The following NRG3 variants were observed in gnomAD, a reference collection of about 807,000 sequenced individuals.
The protein encoded by NRG3 is pro-neuregulin-3, membrane-bound isoform.
Under a neutral mutation model 66.9 loss-of-function variants are expected in NRG3, and 31 were observed. The observed-to-expected ratio is 0.46, with a 90% CI of 0.35 to 0.63. The LOEUF is 0.63. Among genes scored for constraint, NRG3 ranks in the 20% least tolerant of loss-of-function variants. The pLI is 0.00. For synonymous variants in NRG3, 393 were observed against 359.4 expected (o/e 1.09, Z -1.06); for missense variants, 910 against 878.9 (o/e 1.04, Z -0.45).
chr10:82,670,731 A>AG (rs2134034663), intron 2 of NRG3, among the ~76,000 whole-genome samples: 1 of 152,264 alleles, frequency 6.6e-6, no homozygotes, highest in East Asian at 1.9e-4. Flanking sequence ...AAGAAAAAAA[A>AG]CAAAACAAAA....
intron 2 of NRG3, among the ~76,000 whole-genome samples, chr10:82,374,549 A>C (rs999231795): frequency 1.3e-4 from 20 of 152,246 alleles, no homozygotes; most frequent in Admixed American, 6.5e-5. Flanking sequence ...GAAACAGTGA[A>C]TAAGACTAGT....
At chr10:82,911,145 A>G (rs1006495089) in intron 4 of NRG3, among the ~76,000 whole-genome samples, 4 of 152,218 alleles carry the variant, frequency 2.6e-5, no homozygotes, top group Non-Finnish European at 1.5e-5. Flanking sequence ...GAGAGAAATC[A>G]AAGAATATTA....
chr10:81,999,762 G>A (rs991662704), intron 1 of NRG3, among the ~76,000 whole-genome samples: 2 of 152,124 alleles, frequency 1.3e-5, no homozygotes, highest in Non-Finnish European at 2.9e-5. Flanking sequence ...TTTAACAAAT[G>A]AGACTTCATT....
At chr10:82,351,181 A>C (rs1398326081) in intron 1 of NRG3, among the ~76,000 whole-genome samples, 1 of 152,090 alleles carries the variant, frequency 6.6e-6, no homozygotes, top group Non-Finnish European at 1.5e-5. Flanking sequence ...GGCGTGAGCC[A>C]CTCGCACCCG....
intron 3 of NRG3, among the ~76,000 whole-genome samples, chr10:82,743,994 T>C (rs975442647): frequency 2.0e-5 from 3 of 152,206 alleles, no homozygotes; most frequent in East Asian, 1.9e-4. Flanking sequence ...ATCTTTGTGG[T>C]GTGGCCTTTG....
intron 1 of NRG3, among the ~76,000 whole-genome samples, chr10:81,908,676 A>C (rs892629400): frequency 6.6e-6 from 1 of 152,176 alleles, no homozygotes; most frequent in Admixed American, 6.5e-5. Context: ...AAAAGTGGAC[A>C]CCTCAGTCTC....
At chr10:82,941,255 G>T (rs1394116560) in intron 4 of NRG3, among the ~76,000 whole-genome samples, 1 of 152,098 alleles carries the variant, frequency 6.6e-6, no homozygotes, top group East Asian at 1.9e-4. Flanking sequence ...CACCCTGCCA[G>T]TGTATGTTTG....
chr10:82,713,866 T>G (rs2056819769), intron 2 of NRG3, among the ~76,000 whole-genome samples: 1 of 152,202 alleles, frequency 6.6e-6, no homozygotes, highest in African/African-American at 2.4e-5. Context: ...TTATTCTACC[T>G]CTTGATTCTT....
intron 2 of NRG3, among the ~76,000 whole-genome samples, chr10:82,403,156 C>T (rs1278727112): frequency 2.0e-5 from 3 of 152,104 alleles, no homozygotes; most frequent in Admixed American, 6.6e-5. Flanking sequence ...TCCAGAGGAG[C>T]TTCCATGGGA....
chr10:82,778,558 G>A (rs1299407867), intron 3 of NRG3, among the ~76,000 whole-genome samples: 10 of 152,214 alleles, frequency 6.6e-5, no homozygotes, highest in African/African-American at 1.9e-4. Flanking sequence ...CCGCCCCTAC[G>A]ATCCAATTAC....
chr10:81,939,290 A>G (rs1848189857), intron 1 of NRG3, among the ~76,000 whole-genome samples: 1 of 152,006 alleles, frequency 6.6e-6, no homozygotes, highest in Non-Finnish European at 1.5e-5. Context: ...TCATAAAGTA[A>G]GTTTGAATGT....
intron 2 of NRG3, among the ~76,000 whole-genome samples, chr10:82,728,101 C>T (rs1478517047): frequency 1.3e-5 from 2 of 152,120 alleles, no homozygotes; most frequent in African/African-American, 2.4e-5. Flanking sequence ...TTTACAGGCT[C>T]ATAGGCAGAA....
chr10:82,743,046 C>T (rs1462624177), intron 3 of NRG3, among the ~76,000 whole-genome samples: 1 of 152,012 alleles, frequency 6.6e-6, no homozygotes, highest in Non-Finnish European at 1.5e-5. Flanking sequence ...AGAAGATGCC[C>T]ATTGGAAGCA....
intron 1 of NRG3, among the ~76,000 whole-genome samples, chr10:82,139,295 T>C (rs1436912053): frequency 6.6e-6 from 1 of 152,214 alleles, no homozygotes; most frequent in East Asian, 1.9e-4. Flanking sequence ...TATTAATTTC[T>C]ATTTAAGTTG....
chr10:82,383,240 C>A (rs893945051), intron 2 of NRG3, among the ~76,000 whole-genome samples: 1 of 151,804 alleles, frequency 6.6e-6, no homozygotes, highest in Non-Finnish European at 1.5e-5. Flanking sequence ...TTCAGGACTG[C>A]ATTGTACATT....
At chr10:82,186,338 C>T (rs1458078504) in intron 1 of NRG3, among the ~76,000 whole-genome samples, 1 of 152,118 alleles carries the variant, frequency 6.6e-6, no homozygotes, top group Admixed American at 6.5e-5. Context: ...TGAACTTTTC[C>T]TTTGCTCATA....
intron 2 of NRG3, among the ~76,000 whole-genome samples, chr10:82,550,853 C>G (rs1164644456): frequency 1.3e-4 from 20 of 152,054 alleles, no homozygotes; most frequent in Non-Finnish European, 7.4e-5. Context: ...TACCTACGCC[C>G]AACTTCTTCA....
chr10:82,808,106 G>C (rs768704244), intron 3 of NRG3, among the ~76,000 whole-genome samples: 1 of 151,476 alleles, frequency 6.6e-6, no homozygotes, highest in Non-Finnish European at 1.5e-5. Flanking sequence ...TGGTTAATTC[G>C]TAGGTTCTTC....
chr10:82,239,589 A>G lies in NRG3; in HGVS notation c.824-119150A>G, dbSNP rs552498170. On this transcript the variant is annotated intron_variant, in intron 1 of 8. Coordinates refer to ENST00000372141, the MANE Select transcript of NRG3 (RefSeq NM_001010848.4). ...TAATTAAGCATCTCTTTGTTTACCTATTAGCATTATTAGTTTGGCAGTCTT... is the reference window on the plus strand; with the variant it reads ...TAATTAAGCATCTCTTTGTTTACCTGTTAGCATTATTAGTTTGGCAGTCTT... 3.3e-5 allele frequency among the ~76,000 whole-genome samples: 5 copies of G among 152,302 alleles called. No individual in the cohort carries two copies. In the East Asian group the frequency reaches 7.7e-4, roughly 24 times the overall value.
Sources: gnomAD v4.1 joint callset for allele counts (sites outside exome capture counted in the v4.1 genomes callset) on GRCh38, gnomAD v4.1.1 for gene constraint, MANE v1.5 for transcripts, NCBI Gene and HGNC (gene_info 2026-07-23, HGNC 2026-07-21) for gene names.